Variants in AP3S2 observed in about 807,000 individuals in gnomAD.
The protein encoded by AP3S2 is adaptor related protein complex 3 subunit sigma 2.
In AP3S2, 22 loss-of-function variants were observed where a neutral mutation model predicts 23.4. That is an observed-to-expected ratio of 0.94 (90% CI 0.67 to 1.34). AP3S2 has a LOEUF of 1.34. AP3S2 is among the 40% of genes most tolerant of loss of function. The pLI is 0.00. For synonymous variants in AP3S2, 86 were observed against 87.1 expected (o/e 0.99, Z 0.07); for missense variants, 241 against 236.9 (o/e 1.02, Z -0.11).
intron 3 of AP3S2, chr15:89,877,570 C>CG (rs1310389020): frequency 2.1e-6 from 1 of 473,054 alleles, no homozygotes; most frequent in Non-Finnish European, 3.7e-6. Flanking sequence ...GAAACATGGC[C>CG]GGGCGCGGTG....
chr15:89,885,051 T>C (rs1896663654), intron 3 of AP3S2, among the ~76,000 whole-genome samples: 1 of 152,200 alleles, frequency 6.6e-6, no homozygotes, highest in Non-Finnish European at 1.5e-5. Flanking sequence ...AATAACTTAA[T>C]GTAACATCCA....
chr15:89,860,835 A>G (rs1267413548), intron 4 of AP3S2, among the ~76,000 whole-genome samples: 1 of 152,202 alleles, frequency 6.6e-6, no homozygotes, highest in Non-Finnish European at 1.5e-5. Context: ...TCTCTTAGGC[A>G]CATCCAGATA....
intron 4 of AP3S2, among the ~76,000 whole-genome samples, chr15:89,847,737 AAC>A (rs929559135): frequency 1.3e-5 from 2 of 152,254 alleles, no homozygotes; most frequent in African/African-American, 4.8e-5. Flanking sequence ...CTCTAGTAAA[AAC>A]ACAGTCTCCA....
At chr15:89,857,319 T>C (rs1483289022) in intron 4 of AP3S2, among the ~76,000 whole-genome samples, 2 of 152,198 alleles carry the variant, frequency 1.3e-5, no homozygotes, top group Admixed American at 6.5e-5. Context: ...GAGTTTTATA[T>C]CTTTGTATCT....
rs1319506236 is a variant in AP3S2, at chr15:89,837,603, C to T, written c.453+12G>A. ...CTACCCAGCCAGGGCTAGAGCACAGCTGCTTACTCACCTCGGATTTCTCCA... is the reference window on the plus strand; with the variant it reads ...CTACCCAGCCAGGGCTAGAGCACAGTTGCTTACTCACCTCGGATTTCTCCA... On this transcript the variant is annotated intron_variant, in intron 5 of 5. Coordinates refer to ENST00000336418, the MANE Select transcript of AP3S2 (RefSeq NM_005829.5). 6.2e-7 allele frequency: 1 copy of T among 1,614,086 alleles called. No homozygotes were observed. The highest frequency in any genetic ancestry group is 8.5e-7 in the Non-Finnish European group (1 of 1,179,964).
rs1030398901 is a variant in AP3S2 at position 89,833,899 on chromosome 15, G to GCAA, written c.*1613_*1615dup. The GCAA allele has an allele frequency of 5.3e-5, 8 of 152,364 alleles. No homozygotes were observed. The highest frequency in any genetic ancestry group is 5.2e-4 in the Admixed American group (8 of 15,304). The allele number at this position is 152,364 out of a possible 1,614,324, so 9.4% of individuals were successfully genotyped here. A position where few individuals can be genotyped will look rare whatever the true frequency, so the allele number is the denominator to read the frequency against. On this transcript the variant is annotated 3_prime_UTR_variant, in exon 6 of 6. Transcript: ENST00000336418. ...CTGGGCACCCTCTCAGACCTGCCCT[G>GCAA]CAACAGCATCAGGAGGCTGAGGGTC...
intron 4 of AP3S2, among the ~76,000 whole-genome samples, chr15:89,852,073 G>T (rs1386940834): frequency 6.6e-6 from 1 of 152,134 alleles, no homozygotes; most frequent in African/African-American, 2.4e-5. Context: ...GAGGGAGCGG[G>T]TCCATAATCA....
At position 89,831,465 on chromosome 15, in the gene AP3S2, CT is replaced by C. The variant is rs1895075270; in HGVS notation, c.*4049del. On this transcript the variant is annotated 3_prime_UTR_variant, in exon 6 of 6. Coordinates refer to ENST00000336418, the MANE Select transcript of AP3S2 (RefSeq NM_005829.5). ...ATACTTCAGAGGCTCTCCAGTTTGG[CT>C]ATTGCTAAACTTGGACTAGCCCCTA... The C allele has an allele frequency of 6.6e-6, 1 of 152,256 alleles. No homozygotes were observed. The highest frequency in any genetic ancestry group is 1.5e-5 in the Non-Finnish European group (1 of 68,046). 9.4% of individuals were successfully genotyped at this position (152,256 alleles called of 1,614,324 possible).
At chr15:89,852,610 CT>C (rs1895686303) in intron 4 of AP3S2, 1 of 152,266 alleles carries the variant, frequency 6.6e-6, no homozygotes, top group African/African-American at 2.4e-5. Context: ...GCCCTCTACC[CT>C]GGGATTCTAT....
At position 89,837,730 on chromosome 15, in the gene AP3S2, G is replaced by A. The variant is rs1357087925; in HGVS notation, c.346-8C>T. ...CTGGAGGATGTAGTGCACCTAAAAG[G>A]GAAGCAAAAATCAGGAGTCAGAATA... On this transcript the variant is annotated splice_polypyrimidine_tract_variant and splice_region_variant and intron_variant, in intron 4 of 5. Coordinates refer to ENST00000336418, the MANE Select transcript of AP3S2 (RefSeq NM_005829.5). The A allele has an allele frequency of 2.5e-6, 4 of 1,611,718 alleles. No individual in the cohort carries two copies. Among genetic ancestry groups the A allele is most frequent in the Admixed American group, 3.4e-5 (2 of 59,386 alleles).
At chr15:89,852,287 T>C (rs1037449023) in intron 4 of AP3S2, 1 of 152,284 alleles carries the variant, frequency 6.6e-6, no homozygotes, top group African/African-American at 2.4e-5. Context: ...AGCTATCTAT[T>C]ACGTGCCTAG....
In AP3S2 at chr15:89,878,442, C is replaced by T. The variant is rs903125644; in HGVS notation, c.274-6896G>A. On this transcript the variant is annotated intron_variant, in intron 3 of 5. Coordinates refer to ENST00000336418, the MANE Select transcript of AP3S2 (RefSeq NM_005829.5). ...AGCCTTTTGAAAAGTGGACAAATAT[C>T]GTAGACATTTCCAAATACCAAAGAT... The T allele has an allele frequency of 1.1e-4, 50 of 468,762 alleles. 1 individual carries two copies. The Admixed American group carries it at 1.4e-3, about 13-fold the overall frequency. The allele number at this position is 468,762 out of a possible 1,614,324, so 29.0% of individuals were successfully genotyped here. A position where few individuals can be genotyped will look rare whatever the true frequency, so the allele number is the denominator to read the frequency against.
In AP3S2 at chr15:89,835,237, G is replaced by A. The variant is rs187585264; in HGVS notation, c.*278C>T. 5.9e-6 allele frequency: 3 copies of A among 512,640 alleles called. No homozygotes were observed. The highest frequency in any genetic ancestry group is 1.0e-5 in the Non-Finnish European group (3 of 295,742). The allele number at this position is 512,640 out of a possible 1,614,324, so 31.8% of individuals were successfully genotyped here. A position where few individuals can be genotyped will look rare whatever the true frequency, so the allele number is the denominator to read the frequency against. ...GTAAAGGTGCAAATGACTTGGGCAT[G>A]TTGACTCCCTACTGAGGAAGGCAGG... On this transcript the variant is annotated 3_prime_UTR_variant, in exon 6 of 6. Transcript: ENST00000336418.
At chr15:89,873,642 A>G (rs1896372426) in intron 3 of AP3S2, among the ~76,000 whole-genome samples, 1 of 151,916 alleles carries the variant, frequency 6.6e-6, no homozygotes, top group African/African-American at 2.4e-5. Flanking sequence ...ATTCTGAGAC[A>G]ATTGATTAAC....
chr15:89,883,553 A>ATT (rs1896622882), intron 3 of AP3S2, among the ~76,000 whole-genome samples: 2 of 151,874 alleles, frequency 1.3e-5, no homozygotes, highest in African/African-American at 4.8e-5. Flanking sequence ...ACACCACCTG[A>ATT]TTTTTTATAG....
chr15:89,868,517 G>A (rs1393588852), intron 4 of AP3S2, among the ~76,000 whole-genome samples: 1 of 121,478 alleles, frequency 8.2e-6, no homozygotes, highest in Admixed American at 7.7e-5. Flanking sequence ...GGAGGGAGGT[G>A]GGGGGGTCAG....
In AP3S2 at chr15:89,878,244, T is replaced by C. The variant is rs558280703; in HGVS notation, c.274-6698A>G. On this transcript the variant is annotated intron_variant, in intron 3 of 5. Coordinates refer to ENST00000336418, the MANE Select transcript of AP3S2 (RefSeq NM_005829.5). ...AGGAAAAAAAAAACAACAGCAAAAC[T>C]GTAGGAGAATATTTTCATACCTTGG... 2.4e-4 allele frequency: 153 copies of C among 642,636 alleles called. No individual in the cohort carries two copies. In the African/African-American group the frequency reaches 2.6e-3, roughly 11 times the overall value. The allele number at this position is 642,636 out of a possible 1,614,324, so 39.8% of individuals were successfully genotyped here. A position where few individuals can be genotyped will look rare whatever the true frequency, so the allele number is the denominator to read the frequency against.
rs1163576077 is a variant in AP3S2 at position 89,833,783 on chromosome 15, G to C, written c.*1732C>G. On this transcript the variant is annotated 3_prime_UTR_variant, in exon 6 of 6. Transcript: ENST00000336418. ...TGCTTATCATGGAGCTTTCAAGAGT[G>C]AGGATCGGAGGCTGTATTGAGCAGT... The C allele has an allele frequency of 1.3e-5, 2 of 152,228 alleles. No individual in the cohort carries two copies. The highest frequency in any genetic ancestry group is 1.9e-4 in the East Asian group (1 of 5,188). 9.4% of individuals were successfully genotyped at this position (152,228 alleles called of 1,614,324 possible).
chr15:89,853,815 G>A (rs1895725844), intron 4 of AP3S2, among the ~76,000 whole-genome samples: 1 of 98,974 alleles, frequency 1.0e-5, no homozygotes, highest in Non-Finnish European at 2.1e-5. Flanking sequence ...CGTCTGGGAG[G>A]TGAGGAGCGT....
Sources: allele counts gnomAD v4.1 joint callset (sites outside exome capture counted in the v4.1 genomes callset), GRCh38; gene constraint gnomAD v4.1.1; transcripts MANE v1.5; gene names NCBI Gene and HGNC (gene_info 2026-07-23, HGNC 2026-07-21).